The following RHOBTB2 variants were observed in gnomAD, a reference collection of about 807,000 sequenced individuals.
RHOBTB2 encodes Rho related BTB domain containing 2.
RHOBTB2 carries 39 observed loss-of-function variants against 66.5 expected under a neutral mutation model. The ratio of observed to expected loss-of-function variants is 0.59; its 90% CI spans 0.45 to 0.77. The LOEUF (loss-of-function observed/expected upper bound fraction) is 0.77, where lower values mean the gene tolerates loss of function less well. Ranked by LOEUF, RHOBTB2 falls within the 30% of genes least tolerant of loss-of-function variation. The pLI is 0.00. For synonymous variants in RHOBTB2, 390 were observed against 395.0 expected (o/e 0.99, Z 0.15); for missense variants, 755 against 999.1 (o/e 0.76, Z 3.29).
chr8:22,998,438 G>A (rs1810640832), upstream of RHOBTB2, among the ~76,000 whole-genome samples: 1 of 152,132 alleles, frequency 6.6e-6, no homozygotes, highest in African/African-American at 2.4e-5. Flanking sequence ...AACACTAGCA[G>A]TCAAGATCAT....
At chr8:22,983,310 G>C (rs543590264), upstream of RHOBTB2, among the ~76,000 whole-genome samples, 2 of 150,506 alleles carry the variant, frequency 1.3e-5, no homozygotes, top group African/African-American at 4.9e-5. Context: ...CCTTGATCCA[G>C]TGAAAGACAG....
chr8:22,956,489 C>T, the RHOBTB2 span, among the ~76,000 whole-genome samples: 1 of 152,090 alleles, frequency 6.6e-6, no homozygotes, highest in African/African-American at 2.4e-5. Context: ...CTGGTCCAGC[C>T]ATGTGAAGTG....
chr8:22,951,120 A>T, the RHOBTB2 span, among the ~76,000 whole-genome samples: 1 of 152,164 alleles, frequency 6.6e-6, no homozygotes, highest in African/African-American at 2.4e-5. Context: ...GTACTGTAAC[A>T]TAGCCTATCC....
At chr8:22,960,139 C>T in the RHOBTB2 span, among the ~76,000 whole-genome samples, 1 of 149,980 alleles carries the variant, frequency 6.7e-6, no homozygotes, top group Non-Finnish European at 1.5e-5. Flanking sequence ...GCTGAGATCA[C>T]GGCACTGTAC....
chr8:22,991,780 G>C (rs1193787038), intron 1 of RHOBTB2, among the ~76,000 whole-genome samples: 2 of 152,200 alleles, frequency 1.3e-5, no homozygotes, highest in African/African-American at 4.8e-5. Flanking sequence ...TCAGAGCACA[G>C]GTGAGAACCA....
In RHOBTB2 at chr8:23,004,578, G is replaced by T. The variant is rs771003342; in HGVS notation, c.144G>T (p.Thr48=). ...ATLTQYQLLA[T]HVPTVWAIDQ... ...TCACCCAGTACCAGCTGCTGGCCAC[G>T]CATGTGCCCACAGTATGGGCCATCG... The change falls in exon 2 of 10, where the codon ACG becomes ACT. Residue 48 remains threonine, a synonymous_variant. Coordinates refer to ENST00000251822, the MANE Select transcript of RHOBTB2 (RefSeq NM_015178.3). This position sits in a 1 kb window ranked among gnomAD's most constrained non-coding sequence, Gnocchi z 6.4. 6.2e-7 allele frequency: 1 copy of T among 1,614,104 alleles called. No individual in the cohort carries two copies. The highest frequency in any genetic ancestry group is 1.1e-5 in the South Asian group (1 of 91,084).
rs996590344 is a variant in RHOBTB2 at position 23,006,296 on chromosome 8, C to A, written c.482+151C>A. On this transcript the variant is annotated intron_variant, in intron 4 of 9. Coordinates refer to ENST00000251822, the MANE Select transcript of RHOBTB2 (RefSeq NM_015178.3). This position sits in a 1 kb window ranked among gnomAD's most constrained non-coding sequence, Gnocchi z 6.1. ...GAGTCAACAAGCATGCTCATTCATT[C>A]ATTCATTCATATACCTGTTGCACAC... 2.7e-5 allele frequency: 18 copies of A among 668,046 alleles called. No individual in the cohort carries two copies. The highest frequency in any genetic ancestry group is 4.1e-5 in the Non-Finnish European group (16 of 388,810). 41.4% of individuals were successfully genotyped at this position (668,046 alleles called of 1,614,324 possible).
At chr8:22,986,139 CT>C (rs1810283408), upstream of RHOBTB2, among the ~76,000 whole-genome samples, 1 of 110,530 alleles carries the variant, frequency 9.0e-6, no homozygotes, top group African/African-American at 4.5e-5. Flanking sequence ...GGACGGTGGA[CT>C]TCTCTCTCTC....
upstream of RHOBTB2, chr8:22,995,982 G>C: frequency 8.6e-7 from 1 of 1,164,186 alleles, no homozygotes; most frequent in Non-Finnish European, 1.3e-6. Flanking sequence ...GCGTTGGGCT[G>C]GCACTGGGAA....
intron 9 of RHOBTB2, among the ~76,000 whole-genome samples, chr8:23,016,299 C>T (rs757072023): frequency 6.6e-6 from 1 of 152,144 alleles, no homozygotes; most frequent in Non-Finnish European, 1.5e-5. Context: ...CCTCTCTGGG[C>T]TCCCTCCAGT....
At chr8:23,009,787 T>C (rs1159510716) in intron 6 of RHOBTB2, among the ~76,000 whole-genome samples, 2 of 152,054 alleles carry the variant, frequency 1.3e-5, no homozygotes, top group South Asian at 4.1e-4. Flanking sequence ...GATTTGGATA[T>C]ACAAAATGTG....
upstream of RHOBTB2, chr8:22,999,477 T>C (rs937904156): frequency 2.3e-6 from 2 of 873,888 alleles, no homozygotes; most frequent in Non-Finnish European, 2.8e-6. Flanking sequence ...GGGCGTCCAA[T>C]CCCCTTCTTC....
chr8:22,963,314 A>C, the RHOBTB2 span, among the ~76,000 whole-genome samples: 1 of 152,248 alleles, frequency 6.6e-6, no homozygotes, highest in Non-Finnish European at 1.5e-5. Flanking sequence ...TCTCATCAGC[A>C]GAAGTGGGCT....
At chr8:23,000,408 C>G (rs1585186358) in intron 1 of RHOBTB2, among the ~76,000 whole-genome samples, 1 of 152,256 alleles carries the variant, frequency 6.6e-6, no homozygotes, top group Non-Finnish European at 1.5e-5. Context: ...AAAGGAAAAA[C>G]GGTCCAGAGT....
In RHOBTB2 at chr8:22,993,271, C is replaced by T. The variant is rs943404378; in HGVS notation, c.-24+1091C>T. 1.9e-4 allele frequency among the ~76,000 whole-genome samples: 29 copies of T among 152,240 alleles called. 1 individual carries two copies. The highest frequency in any genetic ancestry group is 4.8e-4 in the African/African-American group (20 of 41,532). ...AACTCCTGGGCTCAAGAGATCCTCC[C>T]GCCTCAGCCTCCAGAGTAGCTGGGA... On this transcript the variant is annotated intron_variant, in intron 2 of 11. Coordinates refer to the RHOBTB2 transcript ENST00000519685.
intron 1 of RHOBTB2, among the ~76,000 whole-genome samples, chr8:23,001,231 A>T (rs1179583497): frequency 2.6e-5 from 4 of 151,980 alleles, no homozygotes; most frequent in African/African-American, 9.7e-5. Flanking sequence ...GGTGGTGAGG[A>T]GGTCATAGTT....
In RHOBTB2 at chr8:23,006,795, C is replaced by G; in HGVS notation, c.550C>G (p.Pro184Ala). 1 of 1,614,128 alleles carries G rather than the reference C, an allele frequency of 6.2e-7. No homozygotes were observed. The highest frequency in any genetic ancestry group is 8.5e-7 in the Non-Finnish European group (1 of 1,180,022). ...GGAGGTGGCCAAGGAGCTGGGCATCCCCTACTATGAGACCAGCGTGGTGGC... is the reference window on the plus strand; with the variant it reads ...GGAGGTGGCCAAGGAGCTGGGCATCGCCTACTATGAGACCAGCGTGGTGGC... Reference protein sequence around the residue: ...GREVAKELGIPYYETSVVAQF... With the variant: ...GREVAKELGIAYYETSVVAQF... Residue 184 changes from proline to alanine, a missense_variant, in exon 5 of 10, where the codon CCC (proline) becomes GCC (alanine). Coordinates refer to ENST00000251822, the MANE Select transcript of RHOBTB2 (RefSeq NM_015178.3). This position sits in a 1 kb window ranked among gnomAD's most constrained non-coding sequence, Gnocchi z 6.1.
At chr8:22,977,783 A>G in the RHOBTB2 span, 1 of 152,172 alleles carries the variant, frequency 6.6e-6, no homozygotes, top group Non-Finnish European at 1.5e-5. Flanking sequence ...ACTGGGTACT[A>G]GATAATATTG....
chr8:22,988,556 G>A lies in RHOBTB2; in HGVS notation c.-137+993G>A, dbSNP rs189185023. Among the ~76,000 whole-genome samples, 39 of 152,212 alleles carry A rather than the reference G, an allele frequency of 2.6e-4. No homozygotes were observed. The East Asian group carries it at 7.2e-3, about 28-fold the overall frequency. ...GGAGCTCCCCATCCTTCAGGCAGCAGGATCCATTTATCAAGAGAAACTGAG... is the reference window on the plus strand; with the variant it reads ...GGAGCTCCCCATCCTTCAGGCAGCAAGATCCATTTATCAAGAGAAACTGAG... On this transcript the variant is annotated intron_variant, in intron 1 of 11. Coordinates refer to the RHOBTB2 transcript ENST00000519685.
Sources: gnomAD v4.1 joint callset for allele counts (sites outside exome capture counted in the v4.1 genomes callset) on GRCh38, gnomAD v4.1.1 for gene constraint, Gnocchi (gnomAD v3.1) non-coding constraint, MANE v1.5 for transcripts, NCBI Gene and HGNC (gene_info 2026-07-23, HGNC 2026-07-21) for gene names.